The following FAM20C variants were observed in gnomAD, a reference collection of about 807,000 sequenced individuals.
The protein encoded by FAM20C is extracellular serine/threonine protein kinase FAM20C.
FAM20C carries 40 observed loss-of-function variants against 51.5 expected under a neutral mutation model. The ratio of observed to expected loss-of-function variants is 0.78; its 90% CI spans 0.60 to 1.01. FAM20C has a LOEUF of 1.01. Ranked by LOEUF, FAM20C falls within the 50% of genes least tolerant of loss-of-function variation. The pLI, the probability that FAM20C is intolerant of heterozygous loss-of-function variation, is 0.00. For missense variants in FAM20C, 861 were observed against 844.7 expected (o/e 1.02, Z -0.24); for synonymous variants, 406 against 380.6 (o/e 1.07, Z -0.78).
chr7:198,855 C>T (rs541886978), intron 2 of FAM20C, among the ~76,000 whole-genome samples: 75 of 152,330 alleles, frequency 4.9e-4, no homozygotes, highest in African/African-American at 1.7e-3. Context: ...TCTGGGGAAG[C>T]CAGGGCTGGG....
At chr7:241,604 GTC>G in intron 3 of FAM20C, among the ~76,000 whole-genome samples, 1 of 151,710 alleles carries the variant, frequency 6.6e-6, no homozygotes, top group Non-Finnish European at 1.5e-5. Flanking sequence ...GTGCATATAT[GTC>G]CATGCACACG....
At chr7:194,772 GCCCCCCAC>G (rs1562358616) in intron 1 of FAM20C, among the ~76,000 whole-genome samples, 1 of 117,482 alleles carries the variant, frequency 8.5e-6, no homozygotes, top group Non-Finnish European at 1.8e-5. Context: ...GTGTATCCTA[GCCCCCCAC>G]CCCGCCCCCG....
intron 3 of FAM20C, among the ~76,000 whole-genome samples, chr7:234,365 A>G (rs1368385558): frequency 2.0e-5 from 3 of 152,176 alleles, no homozygotes; most frequent in African/African-American, 7.2e-5. Flanking sequence ...CCCACGACTG[A>G]GGCTGGGCGT....
At position 222,875 on chromosome 7, in the gene FAM20C, C is replaced by T. The variant is rs556749732; in HGVS notation, c.863+13899C>T. On this transcript the variant is annotated intron_variant, in intron 3 of 9. Coordinates refer to ENST00000313766, the MANE Select transcript of FAM20C (RefSeq NM_020223.4). The stretch of plus-strand genomic sequence containing the variant: ...CTGTGTGGGTGCACGTGTCGGTGTG[C>T]GTGTGTGACGTGTACATGTGTAACG... Among the ~76,000 whole-genome samples the T allele has an allele frequency of 4.9e-3, 174 of 35,570 alleles. 1 individual carries two copies. Among genetic ancestry groups the T allele is most frequent in the Non-Finnish European group, 5.9e-3 (86 of 14,458 alleles). 23.3% of individuals were successfully genotyped at this position (35,570 alleles called of 152,430 possible). A position where few individuals can be genotyped will look rare whatever the true frequency, so the allele number is the denominator to read the frequency against.
Position 192,616 on chromosome 7 carries a change from C to G in FAM20C, c.-584C>G, listed in dbSNP as rs1785609120. Reference sequence around the variant, plus strand: ...AGCTGCGCTCGGGGCGGCCGCTGCACCTGCCCGGGACCCCGCCGGCCGCTC... The same window carrying G: ...AGCTGCGCTCGGGGCGGCCGCTGCAGCTGCCCGGGACCCCGCCGGCCGCTC... On this transcript the variant is annotated 5_prime_UTR_variant, in exon 1 of 10. Coordinates refer to ENST00000313766, the MANE Select transcript of FAM20C (RefSeq NM_020223.4). 6.7e-6 allele frequency among the ~76,000 whole-genome samples: 1 copy of G among 150,332 alleles called. No homozygotes were observed.
intron 3 of FAM20C, among the ~76,000 whole-genome samples, chr7:230,854 T>G (rs1003090956): frequency 1.3e-5 from 2 of 151,214 alleles, no homozygotes; most frequent in African/African-American, 4.8e-5. Flanking sequence ...TGTTTACTGC[T>G]CTCAATAATA....
intron 3 of FAM20C, among the ~76,000 whole-genome samples, chr7:214,059 C>T (rs1032438695): frequency 3.9e-5 from 6 of 152,208 alleles, no homozygotes; most frequent in African/African-American, 1.4e-4. Context: ...GGCACAGTAG[C>T]TCACGCCTGT....
At chr7:203,788 C>A (rs549515866) in intron 2 of FAM20C, among the ~76,000 whole-genome samples, 15 of 152,256 alleles carry the variant, frequency 9.9e-5, no homozygotes, top group African/African-American at 3.6e-4. Context: ...CTGAACTGAC[C>A]AGATTTGGAT....
chr7:259,456 GTCTCTCTC>G, intron 9 of FAM20C, among the ~76,000 whole-genome samples: 1 of 33,426 alleles, frequency 3.0e-5, no homozygotes. Flanking sequence ...GTCTGTCTCT[GTCTCTCTC>G]TCTGTCTCGG....
At chr7:256,419 C>G in intron 6 of FAM20C, 1 of 578,638 alleles carries the variant, frequency 1.7e-6, no homozygotes, top group Non-Finnish European at 3.1e-6. Flanking sequence ...GCAAAAAACA[C>G]GGGGCCCAGA....
chr7:202,700 G>A (rs565684650), intron 2 of FAM20C, among the ~76,000 whole-genome samples: 2 of 150,522 alleles, frequency 1.3e-5, no homozygotes, highest in South Asian at 2.1e-4. Context: ...TGTGCATAGC[G>A]AGGACGGGTG....
At chr7:207,583 A>G (rs547710914) in intron 2 of FAM20C, among the ~76,000 whole-genome samples, 1 of 152,344 alleles carries the variant, frequency 6.6e-6, no homozygotes, top group African/African-American at 2.4e-5. Flanking sequence ...GCACCGGAGC[A>G]GTCGCATATG....
At chr7:228,361 C>A in intron 3 of FAM20C, 1 of 423,770 alleles carries the variant, frequency 2.4e-6, no homozygotes, top group Admixed American at 2.6e-5. Context: ...ATCACAGGGG[C>A]TCTTGTCAGT....
chr7:193,844 G>A, intron 1 of FAM20C, 40 bp downstream of exon 1: 17 of 1,541,442 alleles, frequency 1.1e-5, no homozygotes, highest in South Asian at 2.4e-5. Context: ...CAAGGGAGCC[G>A]TGAGCCCAAG....
rs760049058 is a variant in FAM20C at position 195,702 on chromosome 7, G to A, written c.754G>A (p.Asp252Asn). ...HNPAIEALLH[D>N]LSSQRITSVA... ...CCCGGCCATCGAGGCCCTGCTGCAC[G>A]ACCTCAGCTCCCAGAGGATCACCAG... Residue 252 changes from aspartate to asparagine, a missense_variant, in exon 2 of 10, where the codon GAC (aspartate) becomes AAC (asparagine). Asp to Asn is a conservative substitution (Grantham distance 23). Coordinates refer to ENST00000313766, the MANE Select transcript of FAM20C (RefSeq NM_020223.4). 7 of 1,609,778 alleles carry A rather than the reference G, an allele frequency of 4.3e-6. No homozygotes were observed. The highest frequency in any genetic ancestry group is 2.7e-5 in the African/African-American group (2 of 74,846).
intron 3 of FAM20C, among the ~76,000 whole-genome samples, chr7:222,565 C>T (rs1381948312): frequency 6.6e-6 from 1 of 152,128 alleles, no homozygotes; most frequent in African/African-American, 2.4e-5. Context: ...GGCTCTGAGA[C>T]CCTGGGGCCA....
In FAM20C at chr7:259,375, G is replaced by A. The variant is rs943598180; in HGVS notation, c.1506-356G>A. 9.2e-5 allele frequency among the ~76,000 whole-genome samples: 14 copies of A among 152,270 alleles called. 1 individual carries two copies. The South Asian group carries it at 2.5e-3, about 27-fold the overall frequency. On this transcript the variant is annotated intron_variant, in intron 9 of 9. Transcript: ENST00000313766. ...CACGCCGAAGCAGGTCACACAGCCC[G>A]GAGGCTGATGAGGTGTTGGATCGCA... is the stretch of plus-strand genomic sequence containing the variant.
rs1337943884 is a variant in FAM20C, at chr7:193,622, A to G, written c.423A>G (p.Arg141=). The part of the protein sequence containing the change: ...PHDPAHRPLL[R]DPGPRRSESP... ...ACCCCGCGCACCGGCCGCTGCTGCG[A>G]GACCCCGGCCCGCGTCGGTCCGAGT... The change falls in exon 1 of 10, where the codon CGA becomes CGG. Residue 141 remains arginine, a synonymous_variant. Coordinates refer to ENST00000313766, the MANE Select transcript of FAM20C (RefSeq NM_020223.4). 5 of 1,537,236 alleles carry G rather than the reference A, an allele frequency of 3.3e-6. No individual in the cohort carries two copies. The African/African-American group carries it at 7.0e-5, about 21-fold the overall frequency.
intron 3 of FAM20C, chr7:228,706 G>A (rs1193334260): frequency 2.2e-6 from 1 of 456,168 alleles, no homozygotes; most frequent in East Asian, 6.9e-5. Context: ...ACAGCTGCCA[G>A]CCTCCACGGC....
Sources: allele counts gnomAD v4.1 joint callset (sites outside exome capture counted in the v4.1 genomes callset), GRCh38; gene constraint gnomAD v4.1.1; transcripts MANE v1.5; gene names NCBI Gene and HGNC (gene_info 2026-07-23, HGNC 2026-07-21).